Variants in CDON observed in about 807,000 individuals in gnomAD.
CDON encodes the protein cell adhesion associated, oncogene regulated.
A neutral mutation model predicts 120.9 loss-of-function variants in CDON; 73 were observed. The ratio of observed to expected loss-of-function variants is 0.60; its 90% confidence interval spans 0.50 to 0.73. The LOEUF (loss-of-function observed/expected upper bound fraction) is 0.73. Among genes scored for constraint, CDON ranks in the 30% least tolerant of loss-of-function variants. The pLI is 0.00. For synonymous variants in CDON, 566 were observed against 573.5 expected (o/e 0.99, Z 0.19); for missense variants, 1,470 against 1,587.3 (o/e 0.93, Z 1.26).
chr11:125,981,091 G>T lies in CDON; in HGVS notation c.3234C>A (p.Thr1078=). The part of the protein sequence containing the change: ...GLYSGHSNSL[T]RTHVDFEHPH... ...GATGTTCAAAATCCACGTGTGTCCT[G>T]GTTAGAGAGTTGCTGTGCCCGGAGT... The change falls in exon 17 of 20, where the codon ACC becomes ACA. Residue 1078 remains threonine (T), a synonymous_variant. Transcript: ENST00000531738. 6.2e-7 allele frequency: 1 copy of T among 1,614,176 alleles called. No individual in the cohort carries two copies. The highest frequency in any genetic ancestry group is 1.1e-5 in the South Asian group (1 of 91,084).
At chr11:126,045,368 T>C (rs1338798414) in intron 1 of CDON, among the ~76,000 whole-genome samples, 3 of 152,002 alleles carry the variant, frequency 2.0e-5, no homozygotes, top group Admixed American at 2.0e-4. Flanking sequence ...GTGGGAAAAT[T>C]GTTAAAAAGA....
chr11:126,023,536 C>A lies in CDON; in HGVS notation c.-60G>T. 1 of 1,217,576 alleles carries A rather than the reference C, an allele frequency of 8.2e-7. No homozygotes were observed. The allele number at this position is 1,217,576 out of a possible 1,614,324, so 75.4% of individuals were successfully genotyped here. On this transcript the variant is annotated splice_region_variant and 5_prime_UTR_variant, in exon 2 of 20. An upstream open reading frame in the 5' UTR loses its in-frame stop. Coordinates refer to ENST00000531738, the MANE Select transcript of CDON (RefSeq NM_001378964.1). The stretch of plus-strand genomic sequence containing the variant: ...CCAGAGCAAAACCCAGTCCTTGGTT[C>A]ACTAAAAAAGAAAAAGGAAAGAAAA...
chr11:125,993,163 T>C (rs1026779838), intron 14 of CDON, among the ~76,000 whole-genome samples: 4 of 152,326 alleles, frequency 2.6e-5, no homozygotes, highest in South Asian at 2.1e-4. Flanking sequence ...TTGCTTCTGC[T>C]AGTCTTTTTC....
rs533535373 is a variant in CDON at position 125,992,137 on chromosome 11, T to C, written c.2650+2147A>G. The stretch of plus-strand genomic sequence containing the variant: ...ACCATTTTATGGCAAATATTTAGCC[T>C]CTGTCAAAAAATTCTTAAAATAAAA... On this transcript the variant is annotated intron_variant, in intron 14 of 19. Coordinates refer to ENST00000531738, the MANE Select transcript of CDON (RefSeq NM_001378964.1). 1.2e-3 allele frequency among the ~76,000 whole-genome samples: 186 copies of C among 152,250 alleles called. 3 individuals are homozygous for C. In the South Asian group the frequency reaches 0.036, roughly 30 times the overall value.
chr11:125,961,704 G>A lies in CDON; in HGVS notation c.3631+20C>T. The A allele has an allele frequency of 6.2e-7, 1 of 1,614,084 alleles. No homozygotes were observed. Among genetic ancestry groups the A allele is most frequent in the Admixed American group, 1.7e-5 (1 of 60,016 alleles). The stretch of plus-strand genomic sequence containing the variant: ...ACTGAAGATGATCTGGAATCCTAAG[G>A]TTGATCATGCCTTCCTGACCTCTGC... On this transcript the variant is annotated intron_variant, in intron 19 of 19. Transcript: ENST00000531738.
At chr11:125,980,836 GAAACT>G (rs1946274504) in intron 17 of CDON, among the ~76,000 whole-genome samples, 1 of 152,176 alleles carries the variant, frequency 6.6e-6, no homozygotes. Flanking sequence ...ATTTTAAAAT[GAAACT>G]AAACTGATGA....
At chr11:126,036,902 G>A (rs904555017) in intron 1 of CDON, among the ~76,000 whole-genome samples, 1 of 152,146 alleles carries the variant, frequency 6.6e-6, no homozygotes, top group Non-Finnish European at 1.5e-5. Context: ...TGCCCAAGCT[G>A]GTCTCAAACT....
intron 7 of CDON, 186 bp downstream of exon 7, chr11:126,015,055 G>C: frequency 1.6e-6 from 1 of 642,794 alleles, no homozygotes; most frequent in South Asian, 1.9e-5. Context: ...TAATGAGCTT[G>C]ATTAATAAGA....
In CDON at chr11:126,054,686, T is replaced by G. The variant is rs537745510; in HGVS notation, c.-62+7893A>C. Among the ~76,000 whole-genome samples, 54 of 152,288 alleles carry G rather than the reference T, an allele frequency of 3.5e-4. 1 individual carries two copies. In the South Asian group the frequency reaches 0.011, roughly 30 times the overall value. ...AGAATATTGGGCCCCACCCCAGACC[T>G]ACTGAATCAGAATATGCAGTTGAAC... On this transcript the variant is annotated intron_variant, in intron 1 of 19. Coordinates refer to ENST00000531738, the MANE Select transcript of CDON (RefSeq NM_001378964.1).
intron 18 of CDON, among the ~76,000 whole-genome samples, chr11:125,963,676 C>G (rs564679831): frequency 6.6e-6 from 1 of 152,284 alleles, no homozygotes; most frequent in Middle Eastern, 3.4e-3. Context: ...GAGAAATATA[C>G]TCACTATATA....
chr11:126,025,014 G>A (rs946454364), intron 1 of CDON, among the ~76,000 whole-genome samples: 2 of 152,050 alleles, frequency 1.3e-5, no homozygotes, highest in African/African-American at 4.8e-5. Flanking sequence ...AAACCAGCCT[G>A]GCCAACATGG....
At chr11:126,006,204 C>T in intron 8 of CDON, 147 bp from the exon 9 acceptor site, 1 of 727,328 alleles carries the variant, frequency 1.4e-6, no homozygotes, top group Non-Finnish European at 2.4e-6. Flanking sequence ...ATTTATAATT[C>T]ATGGAAATGT....
At chr11:125,998,685 A>T (rs952363293) in intron 11 of CDON, among the ~76,000 whole-genome samples, 5 of 152,216 alleles carry the variant, frequency 3.3e-5, no homozygotes, top group African/African-American at 4.8e-5. Flanking sequence ...GGTTCCTACA[A>T]GGAAAGAATG....
chr11:126,008,393 C>T (rs949086306), intron 8 of CDON, among the ~76,000 whole-genome samples: 2 of 151,998 alleles, frequency 1.3e-5, no homozygotes, highest in African/African-American at 4.8e-5. Context: ...AATAATTATA[C>T]TAGAAAATTA....
chr11:125,968,996 CTAT>C (rs566049750), intron 18 of CDON, among the ~76,000 whole-genome samples: 1 of 152,056 alleles, frequency 6.6e-6, no homozygotes, highest in Admixed American at 6.5e-5. Context: ...TATATGAAAA[CTAT>C]TATTATTATT....
At chr11:125,972,494 C>T (rs114248594) in intron 18 of CDON, among the ~76,000 whole-genome samples, 5,195 of 152,030 alleles carry the variant, frequency 0.034, 97 homozygotes, top group Middle Eastern at 0.048. Flanking sequence ...GTGAGGCAAG[C>T]GGTCATTTAC....
chr11:126,006,015 G>A lies in CDON; in HGVS notation c.1595C>T (p.Pro532Leu). The change falls in exon 9 of 20, where the codon CCT becomes CTT. Residue 532 changes from proline (P) to leucine (L), a missense_variant. Physicochemically the swap from Pro to Leu is moderately conservative, Grantham distance 98 (BLOSUM62 -3). Transcript: ENST00000531738. ...TNTKAETVTLPDAAQNDDRSK... is the reference protein window; with the variant it reads ...TNTKAETVTLLDAAQNDDRSK... Reference sequence around the variant, plus strand: ...TCTGTCATCATTCTGAGCAGCATCAGGAAGTGTGACTGTCTCTGCTTTTGT... The same window carrying A: ...TCTGTCATCATTCTGAGCAGCATCAAGAAGTGTGACTGTCTCTGCTTTTGT... 6.2e-7 allele frequency: 1 copy of A among 1,614,132 alleles called. No individual in the cohort carries two copies. The highest frequency in any genetic ancestry group is 8.5e-7 in the Non-Finnish European group (1 of 1,180,012).
intron 14 of CDON, among the ~76,000 whole-genome samples, chr11:125,993,391 GCGTGCACA>G (rs1320592225): frequency 1.5e-5 from 1 of 65,748 alleles, no homozygotes; most frequent in Non-Finnish European, 2.8e-5. Flanking sequence ...ATGCGCGCGT[GCGTGCACA>G]CACACACACA....
intron 18 of CDON, among the ~76,000 whole-genome samples, chr11:125,965,529 T>C (rs933301688): frequency 9.9e-5 from 15 of 152,116 alleles, no homozygotes; most frequent in Admixed American, 3.3e-4. Flanking sequence ...AGCAGAACTT[T>C]TGGCTGTTTC....
Sources: allele counts gnomAD v4.1 joint callset (sites outside exome capture counted in the v4.1 genomes callset), GRCh38; gene constraint gnomAD v4.1.1; transcripts MANE v1.5; gene names NCBI Gene and HGNC (gene_info 2026-07-23, HGNC 2026-07-21).